OSBPL9: variants seen among roughly 807,000 people sequenced by gnomAD.
OSBPL9 encodes the protein oxysterol-binding protein-related protein 9.
In OSBPL9, 40 loss-of-function variants were observed where a neutral mutation model predicts 106.6. That is an observed-to-expected ratio of 0.38 (90% CI 0.29 to 0.49). The LOEUF is 0.49. Ranked by LOEUF, OSBPL9 falls within the 20% of genes least tolerant of loss-of-function variation. The pLI is 0.97. For synonymous variants in OSBPL9, 269 were observed against 295.4 expected, an observed-to-expected ratio of 0.91 and a Z score of 0.92; for missense variants, 609 against 887.2, an observed-to-expected ratio of 0.69 and a Z score of 3.98.
chr1:51,701,776 T>C (rs879881421), intron 3 of OSBPL9, among the ~76,000 whole-genome samples: 18 of 152,292 alleles, frequency 1.2e-4, no homozygotes, highest in Non-Finnish European at 2.4e-4. Context: ...TAGGTATATA[T>C]CCTAATGCTA....
At chr1:51,711,831 C>T (rs1035326386) in intron 3 of OSBPL9, among the ~76,000 whole-genome samples, 10 of 149,672 alleles carry the variant, frequency 6.7e-5, no homozygotes, top group South Asian at 4.2e-4. Context: ...GGGGCAGAGA[C>T]GCTCCTCACT....
At chr1:51,749,975 T>G (rs886645415) in intron 7 of OSBPL9, among the ~76,000 whole-genome samples, 170 bp from the exon 8 acceptor site, 15 of 152,108 alleles carry the variant, frequency 9.9e-5, no homozygotes, top group African/African-American at 2.9e-4. Flanking sequence ...ATGAATAACT[T>G]CATTTGGCAT....
chr1:51,686,351 T>A (rs1409411013), intron 3 of OSBPL9, among the ~76,000 whole-genome samples: 1 of 152,208 alleles, frequency 6.6e-6, no homozygotes, highest in Non-Finnish European at 1.5e-5. Context: ...AAACCTATGC[T>A]CTTTTCATCA....
intron 2 of OSBPL9, among the ~76,000 whole-genome samples, chr1:51,668,491 A>C (rs1330757795): frequency 6.6e-6 from 1 of 152,062 alleles, no homozygotes; most frequent in Non-Finnish European, 1.5e-5. Flanking sequence ...GTGTGGTGGC[A>C]CACGCTTGTA....
chr1:51,580,905 T>C (rs1242526802), intron 1 of OSBPL9, among the ~76,000 whole-genome samples: 1 of 1,874 alleles, frequency 5.3e-4, no homozygotes, highest in Non-Finnish European at 7.0e-3. Flanking sequence ...TATATATATA[T>C]ATATATATAT....
the OSBPL9 span, among the ~76,000 whole-genome samples, chr1:51,559,906 A>C: frequency 6.6e-6 from 1 of 152,160 alleles, no homozygotes; most frequent in Non-Finnish European, 1.5e-5. Context: ...TCTTCAAATT[A>C]GATAGGAAGA....
chr1:51,561,277 T>C, the OSBPL9 span, among the ~76,000 whole-genome samples: 1 of 152,182 alleles, frequency 6.6e-6, no homozygotes, highest in South Asian at 2.1e-4. Context: ...AAATTCTAGC[T>C]TTTCTACTTA....
At chr1:51,764,460 T>A (rs1672150374) in intron 11 of OSBPL9, among the ~76,000 whole-genome samples, 1 of 152,226 alleles carries the variant, frequency 6.6e-6, no homozygotes, top group Admixed American at 6.5e-5. Flanking sequence ...ACTTTTTGTG[T>A]TATCTTTTTA....
At chr1:51,647,520 T>A (rs1646240590) in intron 1 of OSBPL9, among the ~76,000 whole-genome samples, 1 of 152,204 alleles carries the variant, frequency 6.6e-6, no homozygotes, top group Non-Finnish European at 1.5e-5. Flanking sequence ...GAACTCACCA[T>A]CTGGGCCTGC....
chr1:51,558,258 T>C, the OSBPL9 span, among the ~76,000 whole-genome samples: 649 of 151,454 alleles, frequency 4.3e-3, 3 homozygotes, highest in Non-Finnish European at 6.3e-3. Flanking sequence ...CCAGCCTGGG[T>C]GACAGAGCCA....
At chr1:51,651,336 C>T (rs1459603026) in intron 1 of OSBPL9, among the ~76,000 whole-genome samples, 2 of 152,114 alleles carry the variant, frequency 1.3e-5, no homozygotes, top group Admixed American at 6.5e-5. Flanking sequence ...GGTGCGGTGA[C>T]TCACGCCTGT....
At chr1:51,653,678 G>A (rs950569576) in intron 2 of OSBPL9, among the ~76,000 whole-genome samples, 12 of 152,108 alleles carry the variant, frequency 7.9e-5, no homozygotes, top group African/African-American at 2.9e-4. Flanking sequence ...TTAACTTGAT[G>A]TCTTTTGTTT....
chr1:51,607,969 A>C (rs80071487), intron 2 of OSBPL9, among the ~76,000 whole-genome samples: 1,867 of 152,292 alleles, frequency 0.012, 39 homozygotes, highest in African/African-American at 0.044. Context: ...CAGGACTTGC[A>C]TCTCTCCTCT....
chr1:51,617,191 C>G lies in OSBPL9; in HGVS notation c.81C>G (p.Asp27Glu), dbSNP rs1319885418. ...KGWQYRWFVL[D>E]YNAGLLSYYT... ...GGCAGTACCGTTGGTTCGTGCTGGA[C>G]TACAATGCAGGACTGCTCTCCTACT... The change falls in exon 1 of 24, where the codon GAC (aspartate) becomes GAG (glutamate). Residue 27 changes from aspartate to glutamate, a missense_variant. This residue lies in a region of OSBPL9 where 72 missense variants were observed against 140.5 expected (regional missense o/e 0.51). Coordinates refer to ENST00000428468, the MANE Select transcript of OSBPL9 (RefSeq NM_024586.6). 1 of 1,613,568 alleles carries G rather than the reference C, an allele frequency of 6.2e-7. No homozygotes were observed. The highest frequency in any genetic ancestry group is 8.5e-7 in the Non-Finnish European group (1 of 1,179,830).
intron 17 of OSBPL9, among the ~76,000 whole-genome samples, chr1:51,783,668 T>A (rs1676925253): frequency 6.6e-6 from 1 of 152,182 alleles, no homozygotes; most frequent in African/African-American, 2.4e-5. Context: ...CAGATAGCCC[T>A]TTTGGTTTTA....
At chr1:51,619,186 ACT>A (rs1395076785) in intron 1 of OSBPL9, among the ~76,000 whole-genome samples, 1 of 152,198 alleles carries the variant, frequency 6.6e-6, no homozygotes, top group Non-Finnish European at 1.5e-5. Context: ...AATCCCGTAA[ACT>A]CTATTCAAGA....
chr1:51,662,742 A>ATTTTT (rs139072045), intron 2 of OSBPL9, among the ~76,000 whole-genome samples: 3 of 131,764 alleles, frequency 2.3e-5, no homozygotes, highest in African/African-American at 8.9e-5. Context: ...AAATCAACGA[A>ATTTTT]TTTTTTTTTT....
chr1:51,694,559 C>T (rs1406820200), intron 3 of OSBPL9, among the ~76,000 whole-genome samples: 4 of 152,072 alleles, frequency 2.6e-5, no homozygotes, highest in South Asian at 2.1e-4. Context: ...GTATTAATGA[C>T]GTTATATGAA....
At chr1:51,568,118 G>A in the OSBPL9 span, among the ~76,000 whole-genome samples, 2 of 152,264 alleles carry the variant, frequency 1.3e-5, no homozygotes, top group African/African-American at 4.8e-5. Flanking sequence ...GCTAGAAGGA[G>A]TGCTTGCCAG....
Sources: gnomAD v4.1 joint callset for allele counts (sites outside exome capture counted in the v4.1 genomes callset) on GRCh38, gnomAD v4.1.1 for gene constraint, gnomAD v4.1.1 regional missense constraint, MANE v1.5 for transcripts, NCBI Gene and HGNC (gene_info 2026-07-23, HGNC 2026-07-21) for gene names.